Variants in ASCC3 observed in about 807,000 individuals in gnomAD.
ASCC3 encodes activating signal cointegrator 1 complex subunit 3.
Under a neutral mutation model 256.3 loss-of-function variants are expected in ASCC3, and 158 were observed. The ratio of observed to expected loss-of-function variants is 0.62; its 90% CI spans 0.54 to 0.70. The LOEUF (loss-of-function observed/expected upper bound fraction) is 0.70. Ranked by LOEUF, ASCC3 falls within the 30% of genes least tolerant of loss-of-function variation. The pLI is 0.00. For missense variants in ASCC3, 2,259 were observed against 2,626.0 expected (o/e 0.86, Z 3.05); for synonymous variants, 948 against 883.4 (o/e 1.07, Z -1.30).
At chr6:100,538,862 G>GA (rs879941076) in intron 37 of ASCC3, among the ~76,000 whole-genome samples, 2,176 of 148,336 alleles carry the variant, frequency 0.015, 32 homozygotes, top group Middle Eastern at 0.032. Flanking sequence ...TGGGTTTTAT[G>GA]AAAAAAAAAA....
intron 13 of ASCC3, among the ~76,000 whole-genome samples, chr6:100,701,429 A>G (rs1431378800): frequency 6.6e-6 from 1 of 152,126 alleles, no homozygotes; most frequent in East Asian, 1.9e-4. Context: ...CATGATTGTG[A>G]GGCCTCCCCA....
intron 4 of ASCC3, among the ~76,000 whole-genome samples, chr6:100,824,719 T>C (rs937881282): frequency 6.6e-6 from 1 of 152,186 alleles, no homozygotes; most frequent in African/African-American, 2.4e-5. Flanking sequence ...TGGTACATGA[T>C]AATATCAATA....
intron 30 of ASCC3, among the ~76,000 whole-genome samples, chr6:100,618,696 ACCAG>A (rs1199399283): frequency 1.3e-5 from 2 of 152,088 alleles, no homozygotes; most frequent in African/African-American, 4.8e-5. Flanking sequence ...TACCCCTGAA[ACCAG>A]ACAGTTATCT....
At chr6:100,831,807 A>C (rs769154741) in intron 4 of ASCC3, among the ~76,000 whole-genome samples, 91 of 152,156 alleles carry the variant, frequency 6.0e-4, no homozygotes, top group Non-Finnish European at 1.1e-3. Flanking sequence ...TATGACAAAG[A>C]CTTTGAAATA....
intron 32 of ASCC3, 101 bp from the exon 33 acceptor site, chr6:100,605,801 G>T: frequency 7.6e-7 from 1 of 1,310,322 alleles, no homozygotes. Context: ...AATAACAAAA[G>T]AAATAGAATA....
chr6:100,582,189 A>T (rs1771321018), intron 36 of ASCC3, among the ~76,000 whole-genome samples: 3 of 151,934 alleles, frequency 2.0e-5, no homozygotes, highest in African/African-American at 2.4e-5. Flanking sequence ...TATGGCCATT[A>T]TCATGATATT....
At chr6:100,667,468 G>A (rs2114942045) in intron 14 of ASCC3, among the ~76,000 whole-genome samples, 1 of 152,258 alleles carries the variant, frequency 6.6e-6, no homozygotes, top group East Asian at 1.9e-4. Flanking sequence ...TTTTTAAGCA[G>A]TATCAGATTT....
intron 13 of ASCC3, among the ~76,000 whole-genome samples, chr6:100,682,823 A>T (rs1321103307): frequency 6.6e-6 from 1 of 152,164 alleles, no homozygotes. Flanking sequence ...AGCTTGAAGG[A>T]GTACATTCTC....
chr6:100,620,795 C>T (rs1043532980), intron 30 of ASCC3, among the ~76,000 whole-genome samples: 1 of 152,100 alleles, frequency 6.6e-6, no homozygotes, highest in Non-Finnish European at 1.5e-5. Context: ...TGGAAGCAAC[C>T]GCTAAGCTTC....
chr6:100,844,775 A>T (rs1290640734), intron 4 of ASCC3, among the ~76,000 whole-genome samples: 1 of 152,098 alleles, frequency 6.6e-6, no homozygotes, highest in African/African-American at 2.4e-5. Flanking sequence ...GGAAAAGGGG[A>T]TGATATTGGC....
intron 36 of ASCC3, among the ~76,000 whole-genome samples, chr6:100,566,631 C>A (rs1259941458): frequency 2.0e-5 from 3 of 152,144 alleles, no homozygotes; most frequent in Non-Finnish European, 4.4e-5. Context: ...CTACTTGTAC[C>A]TAAGGCCAAT....
chr6:100,839,761 C>A (rs771145495), intron 4 of ASCC3, among the ~76,000 whole-genome samples: 4 of 152,038 alleles, frequency 2.6e-5, no homozygotes, highest in Non-Finnish European at 5.9e-5. Flanking sequence ...TAGTTATAAC[C>A]CTTGGACCAC....
chr6:100,702,055 C>T (rs963604551), intron 13 of ASCC3, among the ~76,000 whole-genome samples: 8 of 152,248 alleles, frequency 5.3e-5, no homozygotes, highest in African/African-American at 1.7e-4. Flanking sequence ...AAATGTCATA[C>T]TGGAACCGTG....
intron 22 of ASCC3, 146 bp downstream of exon 22, chr6:100,646,469 C>T (rs1050780102): frequency 2.4e-6 from 2 of 826,684 alleles, no homozygotes; most frequent in African/African-American, 1.9e-5. Context: ...CACCACCATG[C>T]CCGGCTAATT....
chr6:100,589,967 T>C lies in ASCC3; in HGVS notation c.5396A>G (p.Tyr1799Cys). Reference protein sequence around the residue: ...EKSLIELELSYCIEIGEDNRS... With the variant: ...EKSLIELELSCCIEIGEDNRS... The stretch of plus-strand genomic sequence containing the variant: ...TCATACCTCTCCAATTTCAATACAG[T>C]AGGAAAGTTCCAATTCAATCAGGGA... Residue 1799 changes from tyrosine (Y) to cysteine (C), a missense_variant, in exon 35 of 42, where the codon TAC becomes TGC. By Grantham distance (194) the Tyr-to-Cys change is radical (BLOSUM62 -2). This residue lies in a region of ASCC3 where 1,839 missense variants were observed against 2,206.7 expected (regional missense o/e 0.83). Transcript: ENST00000369162. 1.9e-6 allele frequency: 3 copies of C among 1,612,888 alleles called. No homozygotes were observed. The highest frequency in any genetic ancestry group is 2.2e-5 in the South Asian group (2 of 91,050).
chr6:100,800,865 C>A (rs1189523677), intron 5 of ASCC3, among the ~76,000 whole-genome samples: 2 of 151,334 alleles, frequency 1.3e-5, no homozygotes, highest in South Asian at 2.1e-4. Context: ...TAATAATTAG[C>A]ATTTACTGTT....
intron 10 of ASCC3, among the ~76,000 whole-genome samples, chr6:100,751,004 T>C (rs546219291): frequency 6.6e-6 from 1 of 152,194 alleles, no homozygotes; most frequent in Non-Finnish European, 1.5e-5. Context: ...TATTTGTGCT[T>C]ATTTGCTCCC....
At chr6:100,650,761 A>T in intron 19 of ASCC3, 47 bp from the exon 20 acceptor site, 11 of 1,453,098 alleles carry the variant, frequency 7.6e-6, no homozygotes, top group Non-Finnish European at 1.1e-5. Flanking sequence ...TGATTTATTT[A>T]AATTTTTCAC....
At chr6:100,775,838 G>T (rs1035439785) in intron 8 of ASCC3, among the ~76,000 whole-genome samples, 1 of 147,384 alleles carries the variant, frequency 6.8e-6, no homozygotes, top group Admixed American at 6.7e-5. Context: ...GACAGCAATT[G>T]TGACAGCAGT....
Sources: allele counts gnomAD v4.1 joint callset (sites outside exome capture counted in the v4.1 genomes callset), GRCh38; gene constraint gnomAD v4.1.1; regional missense constraint gnomAD v4.1.1; transcripts MANE v1.5; gene names NCBI Gene and HGNC (gene_info 2026-07-23, HGNC 2026-07-21).